PPP1R3B: variants seen among roughly 807,000 people sequenced by gnomAD.
The protein encoded by PPP1R3B is PP1 subunit R4.
A neutral mutation model predicts 14.6 loss-of-function variants in PPP1R3B; 8 were observed. That is an observed-to-expected ratio of 0.55 (90% CI 0.32 to 0.99). The LOEUF (loss-of-function observed/expected upper bound fraction) is 0.99, where lower values mean the gene tolerates loss of function less well. Among genes scored for constraint, PPP1R3B ranks in the 50% least tolerant of loss-of-function variants. PPP1R3B has a pLI of 0.04. For missense variants in PPP1R3B, 452 were observed against 360.1 expected (o/e 1.26, Z -2.07); for synonymous variants, 169 against 142.0 (o/e 1.19, Z -1.35).
Position 9,137,208 on chromosome 8 carries a change from T to C in PPP1R3B, c.*3586A>G, listed in dbSNP as rs1332853270. ...AAGAAACCCACTCAAATGCTTCATG[T>C]CTTCCAATAGATACTGAAAGCTTAT... On this transcript the variant is annotated 3_prime_UTR_variant, in exon 2 of 2. Transcript: ENST00000310455. 6.6e-6 allele frequency: 1 copy of C among 152,236 alleles called. No individual in the cohort carries two copies. The highest frequency in any genetic ancestry group is 1.5e-5 in the Non-Finnish European group (1 of 68,042). The allele number at this position is 152,236 out of a possible 1,614,324, so 9.4% of individuals were successfully genotyped here.
Position 9,147,482 on chromosome 8 carries a change from C to T in PPP1R3B, c.-18+3081G>A, listed in dbSNP as rs568170673. ...AAGTTCTCTTTGCACTTCCAAGAAGCCTGCAAACCAGCCTCCTACGTGCTT... is the reference window on the plus strand; with the variant it reads ...AAGTTCTCTTTGCACTTCCAAGAAGTCTGCAAACCAGCCTCCTACGTGCTT... On this transcript the variant is annotated intron_variant, in intron 1 of 1. Coordinates refer to ENST00000310455, the MANE Select transcript of PPP1R3B (RefSeq NM_024607.4). Among the ~76,000 whole-genome samples, 6 of 152,180 alleles carry T rather than the reference C, an allele frequency of 3.9e-5. No individual in the cohort carries two copies. The South Asian group carries it at 1.2e-3, about 32-fold the overall frequency.
chr8:9,141,405 C>G lies in PPP1R3B; in HGVS notation c.247G>C (p.Asp83His). 6.2e-7 allele frequency: 1 copy of G among 1,614,164 alleles called. No homozygotes were observed. Among genetic ancestry groups the G allele is most frequent in the Non-Finnish European group, 8.5e-7 (1 of 1,180,028 alleles). Residue 83 changes from aspartate (D) to histidine (H), a missense_variant, in exon 2 of 2, where the codon GAT (aspartate) becomes CAT (histidine). Coordinates refer to ENST00000310455, the MANE Select transcript of PPP1R3B (RefSeq NM_024607.4). ...LTMVKVFSEF[D>H]DPLDMPFNIT... ...TTGAATGGCATATCTAGCGGGTCAT[C>G]GAATTCCGAGAACACTTTGACCATT...
At chr8:9,147,590 C>A (rs1801278703) in intron 1 of PPP1R3B, among the ~76,000 whole-genome samples, 2 of 152,078 alleles carry the variant, frequency 1.3e-5, no homozygotes, top group South Asian at 4.1e-4. Context: ...AAAGAATCTA[C>A]ACACAGCCCA....
chr8:9,140,932 G>C lies in PPP1R3B; in HGVS notation c.720C>G (p.Thr240=). The part of the protein sequence containing the change: ...YRIIRAELKS[T]QGMTKPHSGP... The stretch of plus-strand genomic sequence containing the variant: ...CACTGTGGGGCTTGGTCATTCCCTG[G>C]GTAGATTTTAACTCAGCCCGGATGA... Residue 240 remains threonine, a synonymous_variant, in exon 2 of 2, where the codon ACC becomes ACG. Coordinates refer to ENST00000310455, the MANE Select transcript of PPP1R3B (RefSeq NM_024607.4). 3 of 1,614,126 alleles carry C rather than the reference G, an allele frequency of 1.9e-6. No homozygotes were observed. Among genetic ancestry groups the C allele is most frequent in the Non-Finnish European group, 2.5e-6 (3 of 1,180,004 alleles).
At chr8:9,143,718 A>C (rs185481517) in intron 1 of PPP1R3B, among the ~76,000 whole-genome samples, 54 of 152,310 alleles carry the variant, frequency 3.5e-4, no homozygotes, top group Non-Finnish European at 5.7e-4. Context: ...AATAAATAAA[A>C]TAAAAACAAC....
At chr8:9,145,098 C>T (rs1585342693) in intron 1 of PPP1R3B, among the ~76,000 whole-genome samples, 2 of 150,558 alleles carry the variant, frequency 1.3e-5, no homozygotes, top group South Asian at 4.2e-4. Context: ...AAAAAAGATT[C>T]AAATGAAATG....
chr8:9,146,128 C>T (rs1008542912), intron 1 of PPP1R3B, among the ~76,000 whole-genome samples: 12 of 152,194 alleles, frequency 7.9e-5, no homozygotes, highest in Non-Finnish European at 1.5e-4. Context: ...TTCAGCCTCC[C>T]AAAATCTGAG....
chr8:9,149,365 T>C (rs1249821850), intron 1 of PPP1R3B, among the ~76,000 whole-genome samples: 1 of 150,012 alleles, frequency 6.7e-6, no homozygotes, highest in African/African-American at 2.5e-5. Flanking sequence ...TAGCTGGGCG[T>C]GGTGGCGGGC....
Position 9,141,005 on chromosome 8 carries a change from C to T in PPP1R3B, c.647G>A (p.Cys216Tyr). ...GCTGTCCCAGTACGTCTGTCCATTG[C>T]ACTCGTAGTACACAGCAAACTCCAT... ...ERMEFAVYYECNGQTYWDSNR... is the reference protein window; with the variant it reads ...ERMEFAVYYEYNGQTYWDSNR... The change falls in exon 2 of 2, where the codon TGC becomes TAC. Residue 216 changes from cysteine to tyrosine, a missense_variant. Cys to Tyr is a radical substitution (Grantham distance 194). Coordinates refer to ENST00000310455, the MANE Select transcript of PPP1R3B (RefSeq NM_024607.4). 8 of 1,614,192 alleles carry T rather than the reference C, an allele frequency of 5.0e-6. No individual in the cohort carries two copies. Among genetic ancestry groups the T allele is most frequent in the Non-Finnish European group, 6.8e-6 (8 of 1,180,030 alleles).
At position 9,145,977 on chromosome 8, in the gene PPP1R3B, C is replaced by T. The variant is rs141966742; in HGVS notation, c.-17-4309G>A. Among the ~76,000 whole-genome samples the T allele has an allele frequency of 5.7e-3, 861 of 152,214 alleles. 8 individuals carry two copies. Among genetic ancestry groups the T allele is most frequent in the African/African-American group, 0.02 (821 of 41,530 alleles). On this transcript the variant is annotated intron_variant, in intron 1 of 1. Coordinates refer to ENST00000310455, the MANE Select transcript of PPP1R3B (RefSeq NM_024607.4). ...CTCAAACTCCTGGGCCCAAGCAATCCTCCCGCCTCAGCCTCCAAAGTAGCT... is the reference window on the plus strand; with the variant it reads ...CTCAAACTCCTGGGCCCAAGCAATCTTCCCGCCTCAGCCTCCAAAGTAGCT...
At chr8:9,149,636 G>A (rs769219634) in intron 1 of PPP1R3B, among the ~76,000 whole-genome samples, 5 of 152,140 alleles carry the variant, frequency 3.3e-5, no homozygotes, top group Non-Finnish European at 7.3e-5. Flanking sequence ...TAAAGACATG[G>A]CCATCTACCT....
chr8:9,137,391 C>G lies in PPP1R3B; in HGVS notation c.*3403G>C, dbSNP rs1800922090. 6.6e-6 allele frequency: 1 copy of G among 152,134 alleles called. No individual in the cohort carries two copies. The highest frequency in any genetic ancestry group is 2.1e-4 in the South Asian group (1 of 4,824). The allele number at this position is 152,134 out of a possible 1,614,324, so 9.4% of individuals were successfully genotyped here. ...CAGGTGGCTGGTCTTTCTGGGGCAACCTGGGAAAGATTCTGGGACTCGGGG... is the reference window on the plus strand; with the variant it reads ...CAGGTGGCTGGTCTTTCTGGGGCAAGCTGGGAAAGATTCTGGGACTCGGGG... On this transcript the variant is annotated 3_prime_UTR_variant, in exon 2 of 2. Coordinates refer to ENST00000310455, the MANE Select transcript of PPP1R3B (RefSeq NM_024607.4).
At position 9,139,603 on chromosome 8, in the gene PPP1R3B, C is replaced by G. The variant is rs1801001786; in HGVS notation, c.*1191G>C. The G allele has an allele frequency of 6.6e-6, 1 of 152,154 alleles. No homozygotes were observed. The highest frequency in any genetic ancestry group is 2.4e-5 in the African/African-American group (1 of 41,428). 9.4% of individuals were successfully genotyped at this position (152,154 alleles called of 1,614,324 possible). On this transcript the variant is annotated 3_prime_UTR_variant, in exon 2 of 2. Transcript: ENST00000310455. ...TCGCTCTGCTGCCCAGGCGGGAATG[C>G]AGTGGTGTGATCTCGGTTCACTGTA...
Position 9,141,420 on chromosome 8 carries a change from C to CT in PPP1R3B, c.231dup (p.Val78SerfsTer7), listed in dbSNP as rs754989192. On this transcript the variant is annotated frameshift_variant, in exon 2 of 2. Transcript: ENST00000310455. LOFTEE classifies it high-confidence loss of function. ...AGCGGGTCATCGAATTCCGAGAACA[C>CT]TTTGACCATTGTCAGGGCCAGCCCC... is the stretch of plus-strand genomic sequence containing the variant. The CT allele has an allele frequency of 6.2e-6, 10 of 1,614,182 alleles. No individual in the cohort carries two copies. The highest frequency in any genetic ancestry group is 7.6e-6 in the Non-Finnish European group (9 of 1,180,032).
In PPP1R3B at chr8:9,139,994, GAA is replaced by G. The variant is rs1801017530; in HGVS notation, c.*798_*799del. 2.6e-5 allele frequency: 4 copies of G among 152,312 alleles called. No individual in the cohort carries two copies. The highest frequency in any genetic ancestry group is 7.2e-5 in the African/African-American group (3 of 41,572). 9.4% of individuals were successfully genotyped at this position (152,312 alleles called of 1,614,324 possible). A position where few individuals can be genotyped will look rare whatever the true frequency, so the allele number is the denominator to read the frequency against. On this transcript the variant is annotated 3_prime_UTR_variant, in exon 2 of 2. Transcript: ENST00000310455. ...CCCCTAGAAGGCAAAAGTAGAAGCT[GAA>G]AGTGTCCCCACTCTTGACTGTCCTG...
rs529701652 is a variant in PPP1R3B, at chr8:9,142,909, A to G, written c.-17-1241T>C. On this transcript the variant is annotated intron_variant, in intron 1 of 1. Transcript: ENST00000310455. The stretch of plus-strand genomic sequence containing the variant: ...CATGTTTTCTTTATTCACTCATCCA[A>G]TGATGGGCACTTAGGTTGATTCCGT... Among the ~76,000 whole-genome samples, 138 of 152,324 alleles carry G rather than the reference A, an allele frequency of 9.1e-4. 1 individual carries two copies. Among genetic ancestry groups the G allele is most frequent in the African/African-American group, 2.9e-3 (122 of 41,572 alleles).
rs1801049580 is a variant in PPP1R3B, at chr8:9,140,800, G to A, written c.852C>T (p.Tyr284=). 1.9e-6 allele frequency: 3 copies of A among 1,613,860 alleles called. No individual in the cohort carries two copies. Among genetic ancestry groups the A allele is most frequent in the Admixed American group, 1.7e-5 (1 of 60,008 alleles). ...GCCCTGTCACCTGCAGTCACTAGTA[G>A]TAGGGCCCTAGCTTTTCATATCCTA... ...SYLGYEKLGP[Y]Y The change falls in exon 2 of 2, where the codon TAC becomes TAT. Residue 284 remains tyrosine, a synonymous_variant. Transcript: ENST00000310455.
chr8:9,145,471 T>C (rs1433572231), intron 1 of PPP1R3B: 1 of 152,240 alleles, frequency 6.6e-6, no homozygotes, highest in Non-Finnish European at 1.5e-5. Context: ...ACTATAAGAA[T>C]ACGGTATATG....
At chr8:9,149,288 C>T (rs1350128959) in intron 1 of PPP1R3B, among the ~76,000 whole-genome samples, 2 of 151,194 alleles carry the variant, frequency 1.3e-5, no homozygotes, top group Non-Finnish European at 2.9e-5. Context: ...ATCACGAGGT[C>T]AGGAGATCGA....
Sources: allele counts gnomAD v4.1 joint callset (sites outside exome capture counted in the v4.1 genomes callset), GRCh38; gene constraint gnomAD v4.1.1; transcripts MANE v1.5; gene names NCBI Gene and HGNC (gene_info 2026-07-23, HGNC 2026-07-21).